Variants in PHAF1 observed in about 807,000 individuals in gnomAD.
The protein encoded by PHAF1 is phagophore assembly factor 1, also known as phagosome assembly factor 1.
Under a neutral mutation model 63.1 loss-of-function variants are expected in PHAF1, and 23 were observed. The observed-to-expected ratio is 0.36, with a 90% confidence interval of 0.26 to 0.52. PHAF1 has a LOEUF of 0.52. PHAF1 is among the 20% of genes least tolerant of loss of function. PHAF1 has a pLI of 0.93. For missense variants in PHAF1, 427 were observed against 517.2 expected (o/e 0.83, Z 1.69); for synonymous variants, 167 against 185.0 (o/e 0.90, Z 0.79).
intron 10 of PHAF1, among the ~76,000 whole-genome samples, chr16:67,142,042 A>C (rs1014892418): frequency 4.6e-5 from 7 of 152,200 alleles, no homozygotes; most frequent in Non-Finnish European, 1.0e-4. Flanking sequence ...CAAAAAGGAG[A>C]GGAGCTTTAT....
At chr16:67,122,910 G>A (rs1963042644) in intron 2 of PHAF1, among the ~76,000 whole-genome samples, 4 of 151,898 alleles carry the variant, frequency 2.6e-5, no homozygotes, top group Admixed American at 2.6e-4. Flanking sequence ...TGTATTTTTA[G>A]CAGAGATGGG....
chr16:67,147,304 A>C lies in PHAF1; in HGVS notation c.*173A>C, dbSNP rs1179105698. The C allele has an allele frequency of 5.0e-6, 3 of 598,342 alleles. No homozygotes were observed. The highest frequency in any genetic ancestry group is 8.8e-6 in the Non-Finnish European group (3 of 341,468). 37.1% of individuals were successfully genotyped at this position (598,342 alleles called of 1,614,324 possible). On this transcript the variant is annotated 3_prime_UTR_variant, in exon 16 of 16. Transcript: ENST00000219139. ...TGCTCTGCCATGGGCTGAGTGGCCC[A>C]GATATTCTTCTGTCCATCTTTGGCC...
chr16:67,132,941 T>C, intron 6 of PHAF1, 30 bp downstream of exon 6: 1 of 1,525,592 alleles, frequency 6.6e-7, no homozygotes, highest in Non-Finnish European at 9.1e-7. Flanking sequence ...TGGTGTTTGT[T>C]GTATGTGTCT....
intron 1 of PHAF1, among the ~76,000 whole-genome samples, chr16:67,111,284 C>A (rs1962507177): frequency 6.6e-6 from 1 of 152,226 alleles, no homozygotes; most frequent in Non-Finnish European, 1.5e-5. Context: ...AGCCTTCTCC[C>A]TTCACCCTCT....
chr16:67,110,375 T>A, intron 1 of PHAF1, 136 bp downstream of exon 1: 5 of 972,662 alleles, frequency 5.1e-6, no homozygotes, highest in Non-Finnish European at 6.2e-6. Context: ...CTCGCTGGGC[T>A]CCAGGCACTA....
intron 3 of PHAF1, among the ~76,000 whole-genome samples, chr16:67,130,165 GCCT>G (rs1366701693): frequency 6.6e-6 from 1 of 151,646 alleles, no homozygotes; most frequent in African/African-American, 2.4e-5. Flanking sequence ...TCCTGCCTCA[GCCT>G]CCTCAGTAGC....
In PHAF1 at chr16:67,140,602, G is replaced by A. The variant is rs373039690; in HGVS notation, c.879+8G>A. 6 of 1,562,828 alleles carry A rather than the reference G, an allele frequency of 3.8e-6. No homozygotes were observed. In the African/African-American group the frequency reaches 5.4e-5, roughly 14 times the overall value. ...TACTTCACTCTTGGAGTGGTAAGTTGTGATTCCTCAGAGAAGCCCTTCATT... is the reference window on the plus strand; with the variant it reads ...TACTTCACTCTTGGAGTGGTAAGTTATGATTCCTCAGAGAAGCCCTTCATT... On this transcript the variant is annotated splice_region_variant and intron_variant, in intron 10 of 15. Coordinates refer to ENST00000219139, the MANE Select transcript of PHAF1 (RefSeq NM_025187.5).
At position 67,132,887 on chromosome 16, in the gene PHAF1, A is replaced by G. The variant is rs754747332; in HGVS notation, c.426A>G (p.Ser142=). Residue 142 remains serine (S), a synonymous_variant, in exon 6 of 16, where the codon TCA becomes TCG. Transcript: ENST00000219139. ...TGTCTTTCTCTTTTCAGTTAGACTCATGGACTGAGGCTCCAAAGTATGAGG... is the reference window on the plus strand; with the variant it reads ...TGTCTTTCTCTTTTCAGTTAGACTCGTGGACTGAGGCTCCAAAGTATGAGG... ...RGLSFSFQLD[S]WTEAPKYEPN... is the part of the protein sequence containing the mutation. 19 of 1,612,464 alleles carry G rather than the reference A, an allele frequency of 1.2e-5. No individual in the cohort carries two copies. The highest frequency in any genetic ancestry group is 1.7e-5 in the Admixed American group (1 of 60,020).
intron 2 of PHAF1, among the ~76,000 whole-genome samples, chr16:67,121,358 ATTT>A (rs573059769): frequency 3.8e-5 from 5 of 133,022 alleles, no homozygotes; most frequent in Admixed American, 7.5e-5. Flanking sequence ...CACCCAGCTA[ATTT>A]TTTTTTTTTT....
intron 6 of PHAF1, among the ~76,000 whole-genome samples, chr16:67,133,438 T>G (rs1156829250): frequency 6.7e-6 from 1 of 150,146 alleles, no homozygotes; most frequent in Non-Finnish European, 1.5e-5. Context: ...GCGGATGACT[T>G]GAGGTCAGGA....
At chr16:67,129,452 C>T (rs1963308512) in intron 3 of PHAF1, among the ~76,000 whole-genome samples, 1 of 152,222 alleles carries the variant, frequency 6.6e-6, no homozygotes, top group Admixed American at 6.5e-5. Context: ...AAGAGGTATC[C>T]AATTTGGTTC....
At chr16:67,133,736 T>A (rs543460666) in intron 6 of PHAF1, among the ~76,000 whole-genome samples, 1 of 149,544 alleles carries the variant, frequency 6.7e-6, no homozygotes, top group South Asian at 2.1e-4. Context: ...GCCGAGATCA[T>A]GCCACTGCAC....
At chr16:67,134,108 C>T in intron 6 of PHAF1, 60 bp from the exon 7 acceptor site, 1 of 1,399,550 alleles carries the variant, frequency 7.1e-7, no homozygotes, top group Non-Finnish European at 1.0e-6. Flanking sequence ...CAGGGAAGAC[C>T]AGAGCCTGAG....
At chr16:67,142,322 G>A (rs934722509) in intron 10 of PHAF1, among the ~76,000 whole-genome samples, 23 of 152,198 alleles carry the variant, frequency 1.5e-4, no homozygotes, top group African/African-American at 5.5e-4. Flanking sequence ...CCATGAGCAG[G>A]CCCGGAAAAA....
chr16:67,147,058 A>C lies in PHAF1; in HGVS notation c.1196A>C (p.Asn399Thr), dbSNP rs1417027782. 1.9e-6 allele frequency: 3 copies of C among 1,613,864 alleles called. No individual in the cohort carries two copies. ...TTCTCACACCAGGTCATGCAGAACA[A>C]CCACATTGCCTCGGTGACCCTGTAT... is the stretch of plus-strand genomic sequence containing the variant. The part of the protein sequence containing the change: ...QRMIFEVMQN[N>T]HIASVTLYGP... Residue 399 changes from asparagine (N) to threonine (T), a missense_variant, in exon 16 of 16, where the codon AAC becomes ACC. Transcript: ENST00000219139.
rs567140853 is a variant in PHAF1, at chr16:67,148,373, G to A, written c.*1242G>A. 6.5e-6 allele frequency: 1 copy of A among 152,732 alleles called. No homozygotes were observed. Among genetic ancestry groups the A allele is most frequent in the East Asian group, 1.9e-4 (1 of 5,182 alleles). The allele number at this position is 152,732 out of a possible 1,614,324, so 9.5% of individuals were successfully genotyped here. On this transcript the variant is annotated 3_prime_UTR_variant, in exon 16 of 16. Coordinates refer to ENST00000219139, the MANE Select transcript of PHAF1 (RefSeq NM_025187.5). Reference sequence around the variant, plus strand: ...TGTCTTCCCATTTGGACTGTGGCCTGGCCAGAGCCCCTTGCATATCCCCAC... The same window carrying A: ...TGTCTTCCCATTTGGACTGTGGCCTAGCCAGAGCCCCTTGCATATCCCCAC...
Position 67,148,184 on chromosome 16 carries a change from G to A in PHAF1, c.*1053G>A, listed in dbSNP as rs956425989. Reference sequence around the variant, plus strand: ...AATTTTGTGAGTTTTTCAAATGTGTGTACAGATTTTTGTAAATATGACTCT... The same window carrying A: ...AATTTTGTGAGTTTTTCAAATGTGTATACAGATTTTTGTAAATATGACTCT... On this transcript the variant is annotated 3_prime_UTR_variant, in exon 16 of 16. Transcript: ENST00000219139. 2.0e-5 allele frequency: 3 copies of A among 152,684 alleles called. No homozygotes were observed. Among genetic ancestry groups the A allele is most frequent in the Admixed American group, 6.5e-5 (1 of 15,282 alleles). The allele number at this position is 152,684 out of a possible 1,614,324, so 9.5% of individuals were successfully genotyped here.
At chr16:67,128,679 T>C (rs1032655329) in intron 3 of PHAF1, among the ~76,000 whole-genome samples, 2 of 152,218 alleles carry the variant, frequency 1.3e-5, no homozygotes, top group Non-Finnish European at 2.9e-5. Context: ...TGGAAAATCA[T>C]GGGCTTTAGC....
chr16:67,123,600 T>C (rs1963070944), intron 2 of PHAF1, among the ~76,000 whole-genome samples: 1 of 151,824 alleles, frequency 6.6e-6, no homozygotes, highest in African/African-American at 2.4e-5. Flanking sequence ...AGAGACAGGG[T>C]CTCATTATAT....
Sources: gnomAD v4.1 joint callset for allele counts (sites outside exome capture counted in the v4.1 genomes callset) on GRCh38, gnomAD v4.1.1 for gene constraint, MANE v1.5 for transcripts, NCBI Gene and HGNC (gene_info 2026-07-23, HGNC 2026-07-21) for gene names.